STXBP6: variants seen among roughly 807,000 people sequenced by gnomAD.
STXBP6 encodes the protein syntaxin-binding protein 6.
In STXBP6, 21 loss-of-function variants were observed where a neutral mutation model predicts 26.9. The observed-to-expected ratio is 0.78, with a 90% CI of 0.55 to 1.12. The LOEUF (loss-of-function observed/expected upper bound fraction) is 1.12. Among genes scored for constraint, STXBP6 ranks in the 50% most tolerant of loss-of-function variants. STXBP6 has a pLI of 0.00. For synonymous variants in STXBP6, 97 were observed against 92.6 expected, an observed-to-expected ratio of 1.05 and a Z score of -0.27; for missense variants, 232 against 257.9, an observed-to-expected ratio of 0.90 and a Z score of 0.69.
intron 1 of STXBP6, among the ~76,000 whole-genome samples, chr14:24,989,551 G>C (rs1489401316): frequency 1.3e-5 from 2 of 152,196 alleles, no homozygotes; most frequent in Non-Finnish European, 2.9e-5. Context: ...CAGCTGCTCT[G>C]ATAAAGTGCC....
chr14:24,983,341 G>A (rs1439775553), intron 1 of STXBP6, among the ~76,000 whole-genome samples: 12 of 152,174 alleles, frequency 7.9e-5, no homozygotes, highest in Admixed American at 7.9e-4. Flanking sequence ...ATGTTGACTT[G>A]AGAACATCAC....
At chr14:25,036,664 C>T (rs971420140) in intron 1 of STXBP6, among the ~76,000 whole-genome samples, 14 of 151,874 alleles carry the variant, frequency 9.2e-5, no homozygotes, top group Non-Finnish European at 2.1e-4. Context: ...ACCATCCTGG[C>T]TAACAGAGTG....
Position 24,812,783 on chromosome 14 carries a change from C to T in STXBP6, c.610-51G>A, listed in dbSNP as rs373141514. ...GTAAGACTTTATTAGCAGGTATTAGCAGAGAGATTTCACTGTGCTGCTCCC... is the reference window on the plus strand; with the variant it reads ...GTAAGACTTTATTAGCAGGTATTAGTAGAGAGATTTCACTGTGCTGCTCCC... On this transcript the variant is annotated intron_variant, in intron 5 of 5. Coordinates refer to ENST00000323944, the MANE Select transcript of STXBP6 (RefSeq NM_001394410.1). 11 of 1,589,994 alleles carry T rather than the reference C, an allele frequency of 6.9e-6. No individual in the cohort carries two copies. The African/African-American group carries it at 1.3e-4, about 19-fold the overall frequency.
At chr14:24,845,769 G>C (rs960277186) in intron 4 of STXBP6, among the ~76,000 whole-genome samples, 1 of 152,152 alleles carries the variant, frequency 6.6e-6, no homozygotes, top group Non-Finnish European at 1.5e-5. Flanking sequence ...TATCTCCAGA[G>C]GGGAAGATTA....
In STXBP6 at chr14:25,018,785, T is replaced by C. The variant is rs181065522; in HGVS notation, c.-33+31093A>G. Among the ~76,000 whole-genome samples, 160 of 152,294 alleles carry C rather than the reference T, an allele frequency of 1.1e-3. 1 individual carries two copies. Among genetic ancestry groups the C allele is most frequent in the Non-Finnish European group, 4.0e-4 (27 of 68,024 alleles). On this transcript the variant is annotated intron_variant, in intron 1 of 5. Transcript: ENST00000323944. The stretch of plus-strand genomic sequence containing the variant: ...AGCCTTGACCTGCCTATGCAATAAG[T>C]TCTTAGTTTATAAAATTCTTCAATG...
chr14:25,001,081 C>T (rs970550756), intron 1 of STXBP6, among the ~76,000 whole-genome samples: 1 of 152,086 alleles, frequency 6.6e-6, no homozygotes, highest in Non-Finnish European at 1.5e-5. Context: ...TCCCCTTTAC[C>T]TCTGCATAAC....
intron 2 of STXBP6, among the ~76,000 whole-genome samples, chr14:24,907,837 G>T (rs995909149): frequency 6.6e-6 from 1 of 151,210 alleles, no homozygotes; most frequent in Non-Finnish European, 1.5e-5. Context: ...TCTGCAAGGT[G>T]CTCCTCCTCC....
At chr14:24,910,125 C>T (rs143257035) in intron 2 of STXBP6, among the ~76,000 whole-genome samples, 653 of 152,178 alleles carry the variant, frequency 4.3e-3, no homozygotes, top group Non-Finnish European at 6.2e-3. Flanking sequence ...AGCACACGCC[C>T]GCTTCAGGAC....
chr14:24,974,855 TAAAGAAGGA>T lies in STXBP6; in HGVS notation c.-32-14_-32-6del, dbSNP rs752503723. The stretch of plus-strand genomic sequence containing the variant: ...TGAGGACAGCACGCAGTGAATCTTT[TAAAGAAGGA>T]AAAGAAAGGAAAGTTGGAATTGACA... On this transcript the variant is annotated splice_region_variant and splice_polypyrimidine_tract_variant and intron_variant, in intron 1 of 5. Coordinates refer to ENST00000323944, the MANE Select transcript of STXBP6 (RefSeq NM_001394410.1). 31 of 1,518,404 alleles carry T rather than the reference TAAAGAAGGA, an allele frequency of 2.0e-5. No homozygotes were observed. Among genetic ancestry groups the T allele is most frequent in the Non-Finnish European group, 2.8e-5 (31 of 1,124,582 alleles). 94.1% of individuals were successfully genotyped at this position (1,518,404 alleles called of 1,614,324 possible).
intron 2 of STXBP6, among the ~76,000 whole-genome samples, chr14:24,867,417 A>G (rs2139296905): frequency 6.6e-6 from 1 of 152,322 alleles, no homozygotes; most frequent in African/African-American, 2.4e-5. Flanking sequence ...CAAGACAATA[A>G]ACTAATCAGG....
In STXBP6 at chr14:24,876,663, G is replaced by A. The variant is rs561383547; in HGVS notation, c.155-19506C>T. Among the ~76,000 whole-genome samples the A allele has an allele frequency of 2.4e-3, 367 of 152,240 alleles. 4 individuals carry two copies. The highest frequency in any genetic ancestry group is 3.4e-3 in the Non-Finnish European group (230 of 68,010). On this transcript the variant is annotated intron_variant, in intron 2 of 5. Transcript: ENST00000323944. ...GAGAATCTTACTTCCCTTGAGATACGCTATCCATTAGCAATTCAGCTGCAG... is the reference window on the plus strand; with the variant it reads ...GAGAATCTTACTTCCCTTGAGATACACTATCCATTAGCAATTCAGCTGCAG...
At chr14:25,030,427 A>T (rs1745818784) in intron 1 of STXBP6, among the ~76,000 whole-genome samples, 1 of 151,878 alleles carries the variant, frequency 6.6e-6, no homozygotes, top group Non-Finnish European at 1.5e-5. Flanking sequence ...GACTCTAATA[A>T]CTCTCTTTTG....
chr14:24,970,113 C>T (rs553658877), intron 2 of STXBP6, among the ~76,000 whole-genome samples: 3 of 151,964 alleles, frequency 2.0e-5, no homozygotes, highest in Non-Finnish European at 2.9e-5. Context: ...CAGTGGTGTG[C>T]GCCTGTAATC....
chr14:24,982,323 G>A lies in STXBP6; in HGVS notation c.-32-7473C>T, dbSNP rs566305089. Among the ~76,000 whole-genome samples the A allele has an allele frequency of 2.0e-4, 31 of 152,288 alleles. No individual in the cohort carries two copies. In the South Asian group the frequency reaches 4.2e-3, roughly 20 times the overall value. ...AAAGCTGTGAGAAAGGAGAGCAAACGCTGTGAATAATGACAAGGCTTAGAA... is the reference window on the plus strand; with the variant it reads ...AAAGCTGTGAGAAAGGAGAGCAAACACTGTGAATAATGACAAGGCTTAGAA... On this transcript the variant is annotated intron_variant, in intron 1 of 5. Coordinates refer to ENST00000323944, the MANE Select transcript of STXBP6 (RefSeq NM_001394410.1).
intron 5 of STXBP6, among the ~76,000 whole-genome samples, chr14:24,818,600 C>T (rs1329139473): frequency 6.6e-6 from 1 of 152,144 alleles, no homozygotes; most frequent in African/African-American, 2.4e-5. Flanking sequence ...GAGATAAGGA[C>T]ACACTGCTAC....
At chr14:25,007,713 C>A (rs1451119862) in intron 1 of STXBP6, among the ~76,000 whole-genome samples, 1 of 152,160 alleles carries the variant, frequency 6.6e-6, no homozygotes, top group African/African-American at 2.4e-5. Context: ...GAAATCAATA[C>A]AATTATTTGA....
At chr14:25,003,176 G>A (rs7153837) in intron 1 of STXBP6, among the ~76,000 whole-genome samples, 22,055 of 152,146 alleles carry the variant, frequency 0.14, 1,799 homozygotes, top group African/African-American at 0.21. Context: ...CTTTCTAAAT[G>A]ACCTCTGAGC....
chr14:24,884,770 T>A (rs199537885), intron 2 of STXBP6, among the ~76,000 whole-genome samples: 3 of 151,916 alleles, frequency 2.0e-5, no homozygotes, highest in African/African-American at 7.2e-5. Context: ...ATTAATAATT[T>A]ATTATTTATG....
chr14:25,000,291 C>T (rs1245984734), intron 1 of STXBP6, among the ~76,000 whole-genome samples: 2 of 151,778 alleles, frequency 1.3e-5, no homozygotes, highest in Admixed American at 1.3e-4. Context: ...TCTCGATCTC[C>T]TGACCTCGTG....
Sources: gnomAD v4.1 joint callset for allele counts (sites outside exome capture counted in the v4.1 genomes callset) on GRCh38, gnomAD v4.1.1 for gene constraint, MANE v1.5 for transcripts, NCBI Gene and HGNC (gene_info 2026-07-23, HGNC 2026-07-21) for gene names.